The following LIPK variants were observed in gnomAD, a reference collection of about 807,000 sequenced individuals.
LIPK encodes the protein lipase member K.
LIPK carries 32 observed loss-of-function variants against 48.6 expected under a neutral mutation model. The ratio of observed to expected loss-of-function variants is 0.66; its 90% CI spans 0.50 to 0.88. The LOEUF (loss-of-function observed/expected upper bound fraction) is 0.88, where lower values mean the gene tolerates loss of function less well. LIPK is among the 40% of genes least tolerant of loss of function. The pLI, the probability that LIPK is intolerant of heterozygous loss-of-function variation, is 0.00. For missense variants in LIPK, 507 were observed against 478.5 expected, an observed-to-expected ratio of 1.06 and a Z score of -0.56; for synonymous variants, 164 against 157.4, an observed-to-expected ratio of 1.04 and a Z score of -0.32.
chr10:88,734,434 G>A (rs1468333301), intron 6 of LIPK, among the ~76,000 whole-genome samples: 1 of 152,168 alleles, frequency 6.6e-6, no homozygotes, highest in Non-Finnish European at 1.5e-5. Flanking sequence ...GAGAGTATGA[G>A]AAATCATGTT....
chr10:88,715,408 C>T (rs1366581803), intron 1 of LIPK, among the ~76,000 whole-genome samples: 1 of 152,070 alleles, frequency 6.6e-6, no homozygotes, highest in Non-Finnish European at 1.5e-5. Flanking sequence ...CACTTTGACT[C>T]TGATAATGTT....
At chr10:88,724,022 G>A (rs573062330) in intron 1 of LIPK, among the ~76,000 whole-genome samples, 58 of 152,074 alleles carry the variant, frequency 3.8e-4, no homozygotes, top group African/African-American at 1.3e-3. Context: ...TTATATACAC[G>A]TCATTTTTCT....
chr10:88,708,360 A>T (rs516083), intron 1 of LIPK, among the ~76,000 whole-genome samples: 118,900 of 151,752 alleles, frequency 0.78, 47,539 homozygotes, highest in East Asian at 1. Flanking sequence ...GTTTATTCCC[A>T]GTGACCAAAT....
At chr10:88,715,228 G>T (rs1449929318) in intron 1 of LIPK, among the ~76,000 whole-genome samples, 2 of 152,026 alleles carry the variant, frequency 1.3e-5, no homozygotes, top group Non-Finnish European at 2.9e-5. Context: ...TATTGAAAGA[G>T]ATATGTTGAA....
intron 8 of LIPK, among the ~76,000 whole-genome samples, chr10:88,740,592 C>A (rs555334990): frequency 3.3e-4 from 51 of 152,258 alleles, no homozygotes; most frequent in African/African-American, 8.9e-4. Context: ...TAAGTCTAAT[C>A]CAGTTGGTGT....
intron 9 of LIPK, among the ~76,000 whole-genome samples, chr10:88,751,775 G>A (rs428425): frequency 0.24 from 36,277 of 151,900 alleles, 4,494 homozygotes; most frequent in East Asian, 0.37. Context: ...TTTTTCCAAA[G>A]GCCCCCTAAC....
intron 1 of LIPK, among the ~76,000 whole-genome samples, chr10:88,723,129 C>T (rs531030074): frequency 8.5e-5 from 13 of 152,124 alleles, no homozygotes; most frequent in Admixed American, 3.9e-4. Context: ...AAGTGATCAG[C>T]CCGTCTCAGC....
chr10:88,717,867 T>C (rs1160602674), intron 1 of LIPK, among the ~76,000 whole-genome samples: 3 of 151,636 alleles, frequency 2.0e-5, no homozygotes, highest in Non-Finnish European at 2.9e-5. Flanking sequence ...TTGCCTAAAC[T>C]TGTATTATTT....
chr10:88,707,525 C>T (rs920894096), intron 1 of LIPK, among the ~76,000 whole-genome samples: 2 of 152,068 alleles, frequency 1.3e-5, no homozygotes, highest in African/African-American at 4.8e-5. Flanking sequence ...AAATATAATG[C>T]TCTTTAAATG....
chr10:88,714,224 C>A (rs954181420), intron 1 of LIPK, among the ~76,000 whole-genome samples: 1 of 152,116 alleles, frequency 6.6e-6, no homozygotes, highest in Admixed American at 6.5e-5. Context: ...TTTCTATTTT[C>A]CTAAAAATTT....
intron 1 of LIPK, among the ~76,000 whole-genome samples, chr10:88,720,671 G>A (rs1318862402): frequency 6.6e-6 from 1 of 151,332 alleles, no homozygotes; most frequent in African/African-American, 2.4e-5. Context: ...AGATACATGT[G>A]TGTGTATGTG....
intron 4 of LIPK, 84 bp downstream of exon 4, chr10:88,731,265 T>C: frequency 8.9e-7 from 1 of 1,127,960 alleles, no homozygotes; most frequent in South Asian, 2.1e-5. Context: ...TCCTGTTTTG[T>C]GTCCAAATGC....
At position 88,711,375 on chromosome 10, in the gene LIPK, C is replaced by A. The variant is rs544451557; in HGVS notation, c.-12+5055C>A. ...ATCTTACCTAGTTACCCTTTGTGTG[C>A]GTGGCAAGAGCGCTTAAAATGTACT... On this transcript the variant is annotated intron_variant, in intron 1 of 9. Transcript: ENST00000404190. 7.9e-5 allele frequency among the ~76,000 whole-genome samples: 12 copies of A among 152,208 alleles called. No homozygotes were observed. In the South Asian group the frequency reaches 2.3e-3, roughly 29 times the overall value.
chr10:88,725,782 A>G (rs1842325842), intron 2 of LIPK, among the ~76,000 whole-genome samples: 1 of 152,194 alleles, frequency 6.6e-6, no homozygotes, highest in Non-Finnish European at 1.5e-5. Context: ...TCTTCTTTGT[A>G]TATCTGCAGG....
chr10:88,727,017 TCC>T, intron 3 of LIPK, 105 bp downstream of exon 3: 1 of 701,762 alleles, frequency 1.4e-6, no homozygotes, highest in Non-Finnish European at 2.5e-6. Flanking sequence ...AACAGTCCTT[TCC>T]ATTAAAGGAG....
chr10:88,742,981 A>T (rs1590158783), intron 8 of LIPK, among the ~76,000 whole-genome samples: 1 of 152,248 alleles, frequency 6.6e-6, no homozygotes, highest in Non-Finnish European at 1.5e-5. Flanking sequence ...TGTGTGTAAC[A>T]TGGTAACATT....
intron 9 of LIPK, among the ~76,000 whole-genome samples, chr10:88,749,404 C>T (rs1037710591): frequency 6.6e-6 from 1 of 152,044 alleles, no homozygotes; most frequent in African/African-American, 2.4e-5. Flanking sequence ...GGTATTGGTA[C>T]AAAAACAGAC....
chr10:88,715,180 A>C (rs1036797000), intron 1 of LIPK, among the ~76,000 whole-genome samples: 11 of 152,118 alleles, frequency 7.2e-5, no homozygotes, highest in Middle Eastern at 3.4e-3. Flanking sequence ...CAGGTTTTCT[A>C]TATTTCTATA....
intron 9 of LIPK, among the ~76,000 whole-genome samples, chr10:88,752,157 G>A (rs1163753568): frequency 1.3e-5 from 2 of 152,096 alleles, no homozygotes; most frequent in Non-Finnish European, 2.9e-5. Flanking sequence ...GTGACTAAGA[G>A]AAGGGATATT....
Sources: allele counts gnomAD v4.1 joint callset (sites outside exome capture counted in the v4.1 genomes callset), GRCh38; gene constraint gnomAD v4.1.1; transcripts MANE v1.5; gene names NCBI Gene and HGNC (gene_info 2026-07-23, HGNC 2026-07-21).